FNBP1L: variants seen among roughly 807,000 people sequenced by gnomAD.
FNBP1L encodes the protein formin binding protein 1 like, also known as formin-binding protein 1-like.
A neutral mutation model predicts 91.2 loss-of-function variants in FNBP1L; 36 were observed. The ratio of observed to expected loss-of-function variants is 0.39; its 90% CI spans 0.30 to 0.52. The LOEUF is 0.52. Among genes scored for constraint, FNBP1L ranks in the 20% least tolerant of loss-of-function variants. The pLI is 0.66. For synonymous variants in FNBP1L, 242 were observed against 237.0 expected (o/e 1.02, Z -0.19); for missense variants, 571 against 732.1 (o/e 0.78, Z 2.54).
chr1:93,515,221 T>C (rs1273948921), intron 2 of FNBP1L, among the ~76,000 whole-genome samples: 1 of 152,014 alleles, frequency 6.6e-6, no homozygotes, highest in African/African-American at 2.4e-5. Context: ...TGACATACCA[T>C]CTCACACCAG....
chr1:93,543,901 G>C (rs572218355), intron 11 of FNBP1L: 76 of 308,826 alleles, frequency 2.5e-4, no homozygotes, highest in Admixed American at 1.0e-3. Flanking sequence ...TGAAATTTGA[G>C]CTCTTTTCTT....
chr1:93,450,112 A>C (rs1668438686), intron 1 of FNBP1L, among the ~76,000 whole-genome samples: 1 of 152,194 alleles, frequency 6.6e-6, no homozygotes, highest in Non-Finnish European at 1.5e-5. Context: ...TATCACACTA[A>C]AGAATAACAG....
At chr1:93,488,670 GGCTT>G (rs1669996357) in intron 1 of FNBP1L, among the ~76,000 whole-genome samples, 1 of 152,106 alleles carries the variant, frequency 6.6e-6, no homozygotes, top group South Asian at 2.1e-4. Context: ...GCTCAGCTGT[GGCTT>G]GCTTATTCAG....
intron 2 of FNBP1L, among the ~76,000 whole-genome samples, chr1:93,513,264 G>T (rs570639626): frequency 0.026 from 3,906 of 151,558 alleles, 149 homozygotes; most frequent in African/African-American, 0.087. Flanking sequence ...ATCTGAAATT[G>T]TGGCAATAAT....
chr1:93,536,090 T>C (rs1442496167), intron 9 of FNBP1L, among the ~76,000 whole-genome samples: 1 of 152,088 alleles, frequency 6.6e-6, no homozygotes, highest in Non-Finnish European at 1.5e-5. Context: ...TTGTGAACTC[T>C]GTGTTTTTAA....
chr1:93,502,774 A>C (rs1487467374), intron 2 of FNBP1L, among the ~76,000 whole-genome samples: 2 of 152,258 alleles, frequency 1.3e-5, no homozygotes, highest in Non-Finnish European at 2.9e-5. Context: ...ATGATTCTCA[A>C]TAGCAGCGAT....
chr1:93,507,105 ACACTCTCTCTCTCTCTCTCT>A (rs1670659480), intron 2 of FNBP1L, among the ~76,000 whole-genome samples: 23 of 48,784 alleles, frequency 4.7e-4, no homozygotes, highest in Middle Eastern at 8.3e-3. Context: ...ACACACACAC[ACACTCTCTCTCTCTCTCTCT>A]CTCTCTCTCT....
chr1:93,465,354 G>T (rs1669038471), intron 1 of FNBP1L, among the ~76,000 whole-genome samples: 1 of 149,864 alleles, frequency 6.7e-6, no homozygotes, highest in East Asian at 2.0e-4. Context: ...CCCTCCCCCA[G>T]CCTCCCACCC....
At chr1:93,489,378 G>A (rs1670022590) in intron 1 of FNBP1L, among the ~76,000 whole-genome samples, 1 of 152,092 alleles carries the variant, frequency 6.6e-6, no homozygotes, top group African/African-American at 2.4e-5. Context: ...ATTTCAGGGA[G>A]TGACTTGACA....
chr1:93,456,497 C>T (rs1206502965), intron 1 of FNBP1L, among the ~76,000 whole-genome samples: 1 of 150,516 alleles, frequency 6.6e-6, no homozygotes, highest in Non-Finnish European at 1.5e-5. Context: ...GAGCCAGGTG[C>T]AGCTGCTCAT....
intron 2 of FNBP1L, among the ~76,000 whole-genome samples, chr1:93,500,271 A>G (rs996710390): frequency 2.6e-5 from 4 of 152,208 alleles, no homozygotes; most frequent in African/African-American, 9.6e-5. Flanking sequence ...AAGTCCAGGC[A>G]TATTTTGATT....
intron 1 of FNBP1L, among the ~76,000 whole-genome samples, chr1:93,475,937 A>G (rs1669478835): frequency 6.6e-6 from 1 of 152,178 alleles, no homozygotes; most frequent in Non-Finnish European, 1.5e-5. Flanking sequence ...TGATTTCTAC[A>G]TATTCTGTGT....
Position 93,536,444 on chromosome 1 carries a change from A to G in FNBP1L, c.1103A>G (p.Lys368Arg), listed in dbSNP as rs1671853975. 6.5e-7 allele frequency: 1 copy of G among 1,550,142 alleles called. No homozygotes were observed. The highest frequency in any genetic ancestry group is 8.7e-7 in the Non-Finnish European group (1 of 1,146,262). The change falls in exon 10 of 17, where the codon AAA (lysine) becomes AGA (arginine). Residue 368 changes from lysine (K) to arginine (R), a missense_variant. Around this residue, in one of 5 missense-constraint regions of FNBP1L, gnomAD observed 150 missense variants for 155.9 expected, o/e 0.96. Coordinates refer to ENST00000271234, the MANE Select transcript of FNBP1L (RefSeq NM_001164473.3). ...EPVHYCMNEIKTGKPRIPSFR... is the reference protein window; with the variant it reads ...EPVHYCMNEIRTGKPRIPSFR... ...GTGCATTATTGTATGAATGAAATAA[A>G]AACAGGGAAGCCCAGAATTCCTTCT... is the stretch of plus-strand genomic sequence containing the variant.
rs1671791495 is a variant in FNBP1L, at chr1:93,534,785, T to A, written c.867T>A (p.His289Gln). ...TTCCATTTGAAGATTACAGTCAACA[T>A]ATATATAGAACCATTTCTGATGGGA... ...GDFPFEDYSQ[H>Q]IYRTISDGTI... The change falls in exon 9 of 17, where the codon CAT (histidine) becomes CAA (glutamine). Residue 289 changes from histidine to glutamine, a missense_variant. Transcript: ENST00000271234. 6.4e-7 allele frequency: 1 copy of A among 1,570,600 alleles called. No individual in the cohort carries two copies. The highest frequency in any genetic ancestry group is 1.4e-5 in the African/African-American group (1 of 73,970).
intron 1 of FNBP1L, among the ~76,000 whole-genome samples, chr1:93,494,481 G>T (rs1041387543): frequency 1.3e-5 from 2 of 152,154 alleles, no homozygotes; most frequent in African/African-American, 4.8e-5. Context: ...GGAGGTTTGG[G>T]GGTGGGGAGA....
rs776083802 is a variant in FNBP1L, at chr1:93,552,390, T to A, written c.1811-19T>A. 6.2e-7 allele frequency: 1 copy of A among 1,610,834 alleles called. No individual in the cohort carries two copies. The highest frequency in any genetic ancestry group is 1.1e-5 in the South Asian group (1 of 90,348). ...AGGTCTTCAGTAATTGTTCTTTTCT[T>A]TTTCCTCCTGGACTGCAGGTTCCTG... On this transcript the variant is annotated intron_variant, in intron 16 of 16. Coordinates refer to ENST00000271234, the MANE Select transcript of FNBP1L (RefSeq NM_001164473.3).
intron 1 of FNBP1L, among the ~76,000 whole-genome samples, chr1:93,454,263 A>C (rs1213173689): frequency 6.6e-6 from 1 of 152,148 alleles, no homozygotes; most frequent in Non-Finnish European, 1.5e-5. Flanking sequence ...GTAGACTGGA[A>C]CCAGGCAGGC....
At chr1:93,491,319 T>C (rs1670082213) in intron 1 of FNBP1L, among the ~76,000 whole-genome samples, 1 of 152,168 alleles carries the variant, frequency 6.6e-6, no homozygotes, top group African/African-American at 2.4e-5. Context: ...TTTCCAGCCT[T>C]CTTCTCTCAT....
chr1:93,472,938 T>C (rs974270927), intron 1 of FNBP1L, among the ~76,000 whole-genome samples: 1 of 151,726 alleles, frequency 6.6e-6, no homozygotes, highest in African/African-American at 2.4e-5. Flanking sequence ...ATGGAAGAAA[T>C]TACTCTTTAG....
Sources: allele counts gnomAD v4.1 joint callset (sites outside exome capture counted in the v4.1 genomes callset), GRCh38; gene constraint gnomAD v4.1.1; regional missense constraint gnomAD v4.1.1; transcripts MANE v1.5; gene names NCBI Gene and HGNC (gene_info 2026-07-23, HGNC 2026-07-21).